Variants in ARHGAP35 observed in about 807,000 individuals in gnomAD.
ARHGAP35 encodes the protein Rho GTPase activating protein 35.
In ARHGAP35, 15 loss-of-function variants were observed where a neutral mutation model predicts 111.1. The ratio of observed to expected loss-of-function variants is 0.13; its 90% CI spans 0.09 to 0.21. ARHGAP35 has a LOEUF of 0.21. Ranked by LOEUF, ARHGAP35 falls within the 10% of genes least tolerant of loss-of-function variation. The pLI is 1.00. For missense variants in ARHGAP35, 1,262 were observed against 1,873.0 expected, an observed-to-expected ratio of 0.67 and a Z score of 6.02; for synonymous variants, 643 against 710.3, an observed-to-expected ratio of 0.91 and a Z score of 1.51.
chr19:46,931,055 G>A (rs980828068), intron 2 of ARHGAP35, among the ~76,000 whole-genome samples: 2 of 152,022 alleles, frequency 1.3e-5, no homozygotes, highest in Non-Finnish European at 2.9e-5. Flanking sequence ...TTCATCTGGC[G>A]GTTTTTAAAA....
intron 3 of ARHGAP35, among the ~76,000 whole-genome samples, chr19:46,968,076 T>C (rs969009863): frequency 6.4e-4 from 98 of 152,206 alleles, no homozygotes; most frequent in Non-Finnish European, 5.7e-4. Context: ...AAGCCAAGCA[T>C]ACAGGGCTCT....
intron 5 of ARHGAP35, among the ~76,000 whole-genome samples, chr19:46,998,660 A>G (rs2056729015): frequency 6.6e-6 from 1 of 152,236 alleles, no homozygotes. Flanking sequence ...CGCGGGTTAC[A>G]AGCTGCATTC....
At chr19:46,967,481 C>A (rs1276402097) in intron 3 of ARHGAP35, among the ~76,000 whole-genome samples, 1 of 152,164 alleles carries the variant, frequency 6.6e-6, no homozygotes, top group Non-Finnish European at 1.5e-5. Context: ...TAGTCTCTCA[C>A]CCTCTTCTTG....
chr19:46,909,348 G>A (rs962876620), intron 1 of ARHGAP35, among the ~76,000 whole-genome samples: 1 of 152,098 alleles, frequency 6.6e-6, no homozygotes, highest in Non-Finnish European at 1.5e-5. Flanking sequence ...TTTCAAAACA[G>A]GCATGCGAGT....
In ARHGAP35 at chr19:46,925,801, G is replaced by T. The variant is rs1599823576; in HGVS notation, c.3681+3445G>T. Among the ~76,000 whole-genome samples, 4 of 152,276 alleles carry T rather than the reference G, an allele frequency of 2.6e-5. No individual in the cohort carries two copies. The South Asian group carries it at 8.3e-4, about 32-fold the overall frequency. On this transcript the variant is annotated intron_variant, in intron 2 of 6. Transcript: ENST00000672722. ...CTCCACATTCTTTCTGCAAAAGAGG[G>T]AGCACCTTCCTGATCAGGTTGTGAG...
intron 3 of ARHGAP35, among the ~76,000 whole-genome samples, chr19:46,964,262 T>C (rs1245393010): frequency 6.6e-6 from 1 of 151,838 alleles, no homozygotes; most frequent in Non-Finnish European, 1.5e-5. Flanking sequence ...GTGACTTTTT[T>C]TTTTCTTTTC....
At chr19:46,907,097 A>G (rs905825345) in intron 1 of ARHGAP35, among the ~76,000 whole-genome samples, 3 of 152,236 alleles carry the variant, frequency 2.0e-5, no homozygotes, top group Non-Finnish European at 2.9e-5. Flanking sequence ...GTCTAAAAAA[A>G]AGAATCTTTT....
chr19:46,863,570 C>G (rs1424451857), intron 1 of ARHGAP35, among the ~76,000 whole-genome samples: 1 of 152,172 alleles, frequency 6.6e-6, no homozygotes, highest in African/African-American at 2.4e-5. Flanking sequence ...TTCCCTCCTT[C>G]CTTCTCTGAG....
intron 5 of ARHGAP35, among the ~76,000 whole-genome samples, chr19:46,996,768 G>A (rs756317986): frequency 1.2e-4 from 18 of 152,262 alleles, no homozygotes; most frequent in Non-Finnish European, 2.1e-4. Flanking sequence ...TTTCTAATAC[G>A]GTCTTCTGTC....
rs952259047 is a variant in ARHGAP35 at position 46,993,155 on chromosome 19, A to G, written c.4036+3480A>G. Among the ~76,000 whole-genome samples the G allele has an allele frequency of 3.9e-5, 6 of 152,224 alleles. No homozygotes were observed. Among genetic ancestry groups the G allele is most frequent in the African/African-American group, 1.2e-4 (5 of 41,456 alleles). ...ATTGCAAAGCCGTGTCTCCAGGGGAAGGACAGCTTGGATTCTCCATCCTGA... is the reference window on the plus strand; with the variant it reads ...ATTGCAAAGCCGTGTCTCCAGGGGAGGGACAGCTTGGATTCTCCATCCTGA... On this transcript the variant is annotated intron_variant, in intron 5 of 6. Coordinates refer to ENST00000672722, the MANE Select transcript of ARHGAP35 (RefSeq NM_004491.5). The surrounding 1 kb of genome is among the most constrained non-coding windows in gnomAD (Gnocchi z 4.6).
At chr19:46,898,716 T>C (rs2056069517) in intron 1 of ARHGAP35, among the ~76,000 whole-genome samples, 1 of 152,186 alleles carries the variant, frequency 6.6e-6, no homozygotes, top group African/African-American at 2.4e-5. Context: ...AGAGGGTTGT[T>C]ATCCAGAGAT....
intron 3 of ARHGAP35, among the ~76,000 whole-genome samples, chr19:46,974,117 C>T (rs534654266): frequency 9.2e-5 from 14 of 152,336 alleles, no homozygotes; most frequent in African/African-American, 3.4e-4. Flanking sequence ...ACCTCAGCTT[C>T]CCAAGTAGCT....
At position 46,946,725 on chromosome 19, in the gene ARHGAP35, T is replaced by C. The variant is rs139609937; in HGVS notation, c.3826+9317T>C. The C allele has an allele frequency of 5.8e-3, 878 of 152,228 alleles. 2 individuals carry two copies. The highest frequency in any genetic ancestry group is 0.011 in the Non-Finnish European group (724 of 68,410). The allele number at this position is 152,228 out of a possible 1,614,324, so 9.4% of individuals were successfully genotyped here. On this transcript the variant is annotated intron_variant, in intron 3 of 6. Coordinates refer to ENST00000672722, the MANE Select transcript of ARHGAP35 (RefSeq NM_004491.5). ...TTGGTTTTTTTGTTTTGTTTTGTTT[T>C]GTTTTTGTTTTTGTTTTGTGTGTGT...
intron 3 of ARHGAP35, among the ~76,000 whole-genome samples, chr19:46,963,891 G>A (rs1462314251): frequency 6.6e-6 from 1 of 151,864 alleles, no homozygotes; most frequent in Non-Finnish European, 1.5e-5. Context: ...TTTTTGAGAT[G>A]GAATCTTGCT....
intron 1 of ARHGAP35, among the ~76,000 whole-genome samples, chr19:46,871,355 T>G (rs10426704): frequency 0.02 from 3,035 of 152,262 alleles, 109 homozygotes; most frequent in African/African-American, 0.068. Context: ...TATTTGTTTG[T>G]TTTTTGAGAT....
intron 2 of ARHGAP35, among the ~76,000 whole-genome samples, chr19:46,923,481 G>A (rs1445982998): frequency 1.3e-5 from 2 of 152,066 alleles, no homozygotes; most frequent in African/African-American, 2.4e-5. Context: ...GCTGTAAGCA[G>A]TACTCTGTCC....
chr19:46,933,397 C>G (rs1418478551), intron 2 of ARHGAP35, among the ~76,000 whole-genome samples: 1 of 152,058 alleles, frequency 6.6e-6, no homozygotes, highest in Non-Finnish European at 1.5e-5. Flanking sequence ...ATCTGCCAAC[C>G]TCAGCCTCCC....
At chr19:46,924,383 C>A (rs1486685435) in intron 2 of ARHGAP35, among the ~76,000 whole-genome samples, 2 of 152,210 alleles carry the variant, frequency 1.3e-5, no homozygotes, top group African/African-American at 4.8e-5. Flanking sequence ...AGAGAGTGTT[C>A]CTGCATTACC....
chr19:46,873,527 A>T (rs1195359865), intron 1 of ARHGAP35, among the ~76,000 whole-genome samples: 1 of 151,456 alleles, frequency 6.6e-6, no homozygotes, highest in Non-Finnish European at 1.5e-5. Flanking sequence ...TAATCCTGCT[A>T]CTTGGGAGGC....
Sources: allele counts gnomAD v4.1 joint callset (sites outside exome capture counted in the v4.1 genomes callset), GRCh38; gene constraint gnomAD v4.1.1; non-coding constraint Gnocchi (gnomAD v3.1); transcripts MANE v1.5; gene names NCBI Gene and HGNC (gene_info 2026-07-23, HGNC 2026-07-21).